The following DDX60L variants were observed in gnomAD, a reference collection of about 807,000 sequenced individuals.
The protein encoded by DDX60L is probable ATP-dependent RNA helicase DDX60-like.
DDX60L carries 191 observed loss-of-function variants against 211.6 expected under a neutral mutation model. That is an observed-to-expected ratio of 0.90 (90% confidence interval 0.80 to 1.02). The LOEUF is 1.02. DDX60L is among the 50% of genes least tolerant of loss of function. The pLI is 0.00. For missense variants in DDX60L, 2,007 were observed against 1,984.1 expected, an observed-to-expected ratio of 1.01 and a Z score of -0.22; for synonymous variants, 706 against 694.1, an observed-to-expected ratio of 1.02 and a Z score of -0.27.
intron 22 of DDX60L, among the ~76,000 whole-genome samples, chr4:168,415,066 T>C (rs1749309314): frequency 6.6e-6 from 1 of 151,958 alleles, no homozygotes; most frequent in South Asian, 2.1e-4. Context: ...GTGGTTATTA[T>C]GCTTGAGGTA....
chr4:168,397,297 C>A (rs1162004168), intron 26 of DDX60L, among the ~76,000 whole-genome samples: 2 of 152,156 alleles, frequency 1.3e-5, no homozygotes, highest in African/African-American at 4.8e-5. Flanking sequence ...ATGTGCCAGG[C>A]AATATGCTAT....
intron 13 of DDX60L, 81 bp from the exon 14 acceptor site, chr4:168,427,403 C>A (rs376603972): frequency 1.0e-5 from 15 of 1,471,276 alleles, no homozygotes; most frequent in East Asian, 2.3e-5. Context: ...ATTTTTTGTG[C>A]ACTTACTGAG....
rs762236190 is a variant in DDX60L at position 168,379,511 on chromosome 4, A to C, written c.4222-7T>G. 6 of 1,546,334 alleles carry C rather than the reference A, an allele frequency of 3.9e-6. No individual in the cohort carries two copies. The highest frequency in any genetic ancestry group is 5.2e-6 in the Non-Finnish European group (6 of 1,150,258). ...CCTTTTTATTTAAATAGTCCTAAAA[A>C]TGAGAAACAAAAAGTTGATTTAACT... On this transcript the variant is annotated splice_region_variant and splice_polypyrimidine_tract_variant and intron_variant, in intron 31 of 37. Coordinates refer to ENST00000682922, the MANE Select transcript of DDX60L (RefSeq NM_001012967.3).
chr4:168,361,737 T>G (rs1444135155), intron 36 of DDX60L, among the ~76,000 whole-genome samples: 28 of 152,210 alleles, frequency 1.8e-4, no homozygotes, highest in Non-Finnish European at 3.1e-4. Context: ...TGCAAAAGAC[T>G]TCCAGCGGTT....
intron 7 of DDX60L, 70 bp downstream of exon 7, chr4:168,455,969 A>G (rs755073833): frequency 5.8e-6 from 6 of 1,031,802 alleles, no homozygotes; most frequent in Non-Finnish European, 8.4e-6. Flanking sequence ...TGATGCCACC[A>G]GTGAAGTTAT....
intron 36 of DDX60L, among the ~76,000 whole-genome samples, chr4:168,367,504 G>A (rs945017991): frequency 1.3e-5 from 2 of 152,096 alleles, no homozygotes; most frequent in African/African-American, 4.8e-5. Flanking sequence ...TCCAGTCTTG[G>A]GCATGTCTTT....
intron 4 of DDX60L, among the ~76,000 whole-genome samples, chr4:168,462,966 G>C (rs1757519662): frequency 6.6e-6 from 1 of 152,080 alleles, no homozygotes; most frequent in Non-Finnish European, 1.5e-5. Flanking sequence ...AATAAAAAAT[G>C]AGAGTTAAAA....
In DDX60L at chr4:168,425,361, A is replaced by G. The variant is rs527570662; in HGVS notation, c.1931-1587T>C. On this transcript the variant is annotated intron_variant, in intron 14 of 37. Transcript: ENST00000682922. ...AGAATAGAGAGACATGAGCGTGACT[A>G]CAGAGTCACGTGGCCACACGTGAAA... 2.0e-5 allele frequency among the ~76,000 whole-genome samples: 3 copies of G among 152,352 alleles called. No homozygotes were observed. In the South Asian group the frequency reaches 6.2e-4, roughly 32 times the overall value.
chr4:168,432,920 A>G, intron 11 of DDX60L, 90 bp downstream of exon 11: 1 of 740,726 alleles, frequency 1.4e-6, no homozygotes, highest in Non-Finnish European at 2.2e-6. Flanking sequence ...TCCTGATATG[A>G]TATATTACAT....
intron 37 of DDX60L, among the ~76,000 whole-genome samples, chr4:168,360,390 G>A (rs1435849046): frequency 6.6e-6 from 1 of 152,166 alleles, no homozygotes; most frequent in Non-Finnish European, 1.5e-5. Context: ...ACTCCAAGTG[G>A]GCAAAGGAGG....
rs375490815 is a variant in DDX60L, at chr4:168,421,949, C to T, written c.2245-40G>A. ...GCACCATTTGTGTCAAGAAAGTGAA[C>T]AGCATGTTACCAAAACACAGACAGT... On this transcript the variant is annotated intron_variant, in intron 16 of 37. Transcript: ENST00000682922. 12 of 1,612,796 alleles carry T rather than the reference C, an allele frequency of 7.4e-6. No individual in the cohort carries two copies. The African/African-American group carries it at 1.6e-4, about 22-fold the overall frequency.
At chr4:168,392,179 T>C (rs1744953398) in intron 28 of DDX60L, among the ~76,000 whole-genome samples, 1 of 152,214 alleles carries the variant, frequency 6.6e-6, no homozygotes, top group Non-Finnish European at 1.5e-5. Flanking sequence ...AACCACCTTC[T>C]CTTATTCTCA....
chr4:168,395,230 A>G lies in DDX60L; in HGVS notation c.3658-613T>C, dbSNP rs183837406. ...CTGGTTACATAAATTATAATCATCC[A>G]CATAAATATATACTATGAAGCTATT... On this transcript the variant is annotated intron_variant, in intron 27 of 37. Transcript: ENST00000682922. Among the ~76,000 whole-genome samples, 5 of 152,378 alleles carry G rather than the reference A, an allele frequency of 3.3e-5. No individual in the cohort carries two copies. The East Asian group carries it at 9.6e-4, about 29-fold the overall frequency.
intron 7 of DDX60L, 39 bp downstream of exon 7, chr4:168,456,000 G>A (rs1422418363): frequency 7.1e-7 from 1 of 1,405,162 alleles, no homozygotes; most frequent in African/African-American, 1.4e-5. Flanking sequence ...CCTGATGAAT[G>A]ACAGCTTTCT....
At chr4:168,449,206 T>A (rs932821480) in intron 8 of DDX60L, among the ~76,000 whole-genome samples, 1 of 151,990 alleles carries the variant, frequency 6.6e-6, no homozygotes, top group Non-Finnish European at 1.5e-5. Flanking sequence ...GTTAGAGCGG[T>A]CTTTGCCCTT....
At chr4:168,431,795 C>G (rs1031506681) in intron 12 of DDX60L, among the ~76,000 whole-genome samples, 1 of 151,800 alleles carries the variant, frequency 6.6e-6, no homozygotes, top group Non-Finnish European at 1.5e-5. Context: ...AAGAATGAAC[C>G]AGGAAAAAAA....
At chr4:168,395,819 AAAAC>A (rs1745660548) in intron 27 of DDX60L, 136 bp downstream of exon 27, 10 of 652,328 alleles carry the variant, frequency 1.5e-5, no homozygotes, top group Middle Eastern at 4.1e-4. Flanking sequence ...TAATCATTGC[AAAAC>A]AAACAAAATC....
At chr4:168,442,810 G>A (rs540750836) in intron 9 of DDX60L, among the ~76,000 whole-genome samples, 2 of 151,312 alleles carry the variant, frequency 1.3e-5, no homozygotes, top group African/African-American at 4.9e-5. Flanking sequence ...ACCTGCAGCT[G>A]AGGGTCCTCT....
At chr4:168,436,696 A>C (rs1008818699) in intron 10 of DDX60L, among the ~76,000 whole-genome samples, 1 of 152,208 alleles carries the variant, frequency 6.6e-6, no homozygotes, top group Non-Finnish European at 1.5e-5. Context: ...TGACTCCACA[A>C]ACTATTACCC....
Sources: gnomAD v4.1 joint callset for allele counts (sites outside exome capture counted in the v4.1 genomes callset) on GRCh38, gnomAD v4.1.1 for gene constraint, MANE v1.5 for transcripts, NCBI Gene and HGNC (gene_info 2026-07-23, HGNC 2026-07-21) for gene names.